FAM13A: variants seen among roughly 807,000 people sequenced by gnomAD.
FAM13A encodes the protein family with sequence similarity 13 member A, also known as protein FAM13A.
A neutral mutation model predicts 129.6 loss-of-function variants in FAM13A; 76 were observed. That is an observed-to-expected ratio of 0.59 (90% CI 0.49 to 0.71). FAM13A has a LOEUF of 0.71. Ranked by LOEUF, FAM13A falls within the 30% of genes least tolerant of loss-of-function variation. The pLI is 0.00. For missense variants in FAM13A, 1,108 were observed against 1,249.3 expected (o/e 0.89, Z 1.70); for synonymous variants, 443 against 449.9 (o/e 0.98, Z 0.20).
intron 4 of FAM13A, among the ~76,000 whole-genome samples, chr4:88,980,470 A>G (rs1282190720): frequency 6.6e-6 from 1 of 152,246 alleles, no homozygotes; most frequent in African/African-American, 2.4e-5. Context: ...ACAGAACTAC[A>G]GGCAATGAAG....
intron 4 of FAM13A, among the ~76,000 whole-genome samples, chr4:88,971,107 G>A (rs1760022838): frequency 2.0e-5 from 3 of 152,072 alleles, no homozygotes; most frequent in Admixed American, 2.0e-4. Context: ...AGCTGAGGCA[G>A]GAGAATGGCA....
In FAM13A at chr4:88,728,501, A is replaced by G. The variant is rs1481702269; in HGVS notation, c.*32T>C. On this transcript the variant is annotated 3_prime_UTR_variant, in exon 24 of 24. Transcript: ENST00000264344. ...TCTGGGGACAGTAAACTCTCACCGC[A>G]GCTGCCAGCCCCCTGTGCTTGGCCA... 6.2e-7 allele frequency: 1 copy of G among 1,613,290 alleles called. No individual in the cohort carries two copies. Among genetic ancestry groups the G allele is most frequent in the Non-Finnish European group, 8.5e-7 (1 of 1,179,856 alleles).
At position 88,804,992 on chromosome 4, in the gene FAM13A, A is replaced by T. The variant is rs777017850; in HGVS notation, c.1049+19T>A. 1.3e-6 allele frequency: 2 copies of T among 1,490,560 alleles called. No individual in the cohort carries two copies. The highest frequency in any genetic ancestry group is 2.3e-5 in the South Asian group (2 of 87,260). The allele number at this position is 1,490,560 out of a possible 1,614,324, so 92.3% of individuals were successfully genotyped here. ...CTCCTTTATTCCCTGTAGTAGACCA[A>T]CAAAAATCAAATAAATACCTCAAAT... On this transcript the variant is annotated intron_variant, in intron 8 of 23. Transcript: ENST00000264344.
intron 7 of FAM13A, among the ~76,000 whole-genome samples, chr4:88,807,375 T>A (rs1189241892): frequency 6.6e-6 from 1 of 152,158 alleles, no homozygotes; most frequent in Non-Finnish European, 1.5e-5. Flanking sequence ...CTACCACAGG[T>A]CCTACATTAA....
intron 4 of FAM13A, among the ~76,000 whole-genome samples, chr4:88,961,346 C>CTTTTTTTTTTTTT (rs1560548919): frequency 2.2e-5 from 2 of 89,326 alleles, no homozygotes. Flanking sequence ...GTGGAATTTG[C>CTTTTTTTTTTTTT]CTTTTTTTTT....
intron 7 of FAM13A, among the ~76,000 whole-genome samples, chr4:88,806,320 C>T (rs772795611): frequency 1.3e-5 from 2 of 152,114 alleles, no homozygotes; most frequent in South Asian, 4.1e-4. Context: ...ACCACCTTAC[C>T]GCATCTGGGA....
intron 7 of FAM13A, among the ~76,000 whole-genome samples, chr4:88,806,349 A>G (rs1728555744): frequency 6.6e-6 from 1 of 152,178 alleles, no homozygotes. Flanking sequence ...AATTACCTGC[A>G]GCATTCTCTT....
At chr4:88,965,581 AC>A (rs1248868589) in intron 4 of FAM13A, among the ~76,000 whole-genome samples, 2 of 150,148 alleles carry the variant, frequency 1.3e-5, no homozygotes, top group East Asian at 1.9e-4. Context: ...TTAAAAAAAA[AC>A]AAGATGAAAT....
intron 3 of FAM13A, among the ~76,000 whole-genome samples, chr4:89,019,434 A>G (rs1370840708): frequency 1.3e-5 from 2 of 152,192 alleles, no homozygotes; most frequent in African/African-American, 4.8e-5. Context: ...GGAGAACTCA[A>G]TAATGACTAT....
At chr4:88,817,110 AG>A (rs1730892073) in intron 7 of FAM13A, among the ~76,000 whole-genome samples, 1 of 152,194 alleles carries the variant, frequency 6.6e-6, no homozygotes, top group African/African-American at 2.4e-5. Context: ...CATTATACCA[AG>A]GGGAAGAAAC....
At chr4:88,860,944 C>CAT (rs1270543546) in intron 6 of FAM13A, among the ~76,000 whole-genome samples, 1 of 152,142 alleles carries the variant, frequency 6.6e-6, no homozygotes, top group Non-Finnish European at 1.5e-5. Context: ...TTTCTGTTGT[C>CAT]ATATATATAG....
At chr4:88,843,408 T>C (rs1736156221) in intron 7 of FAM13A, among the ~76,000 whole-genome samples, 1 of 152,248 alleles carries the variant, frequency 6.6e-6, no homozygotes, top group Non-Finnish European at 1.5e-5. Flanking sequence ...CCTTGCTTCA[T>C]TTCAGCTTCA....
At chr4:88,938,801 T>A (rs1057512458) in intron 4 of FAM13A, among the ~76,000 whole-genome samples, 3 of 152,200 alleles carry the variant, frequency 2.0e-5, no homozygotes, top group African/African-American at 7.2e-5. Context: ...TATATCTGAA[T>A]ACAGAATATC....
At chr4:88,891,998 G>A (rs1200359192) in intron 6 of FAM13A, among the ~76,000 whole-genome samples, 1 of 152,006 alleles carries the variant, frequency 6.6e-6, no homozygotes, top group Non-Finnish European at 1.5e-5. Flanking sequence ...ACAATGATGT[G>A]AGACCCTGTC....
chr4:88,804,744 G>T (rs1393259441), intron 8 of FAM13A, among the ~76,000 whole-genome samples: 1 of 151,866 alleles, frequency 6.6e-6, no homozygotes, highest in Non-Finnish European at 1.5e-5. Flanking sequence ...TAATCATCAG[G>T]CAGTTTTTAA....
intron 7 of FAM13A, among the ~76,000 whole-genome samples, chr4:88,840,987 A>G (rs1208408501): frequency 6.6e-6 from 1 of 151,858 alleles, no homozygotes; most frequent in South Asian, 2.1e-4. Context: ...AAACTAACTC[A>G]AAATGGATCA....
chr4:88,874,595 A>G (rs1742042036), intron 6 of FAM13A, among the ~76,000 whole-genome samples: 1 of 152,224 alleles, frequency 6.6e-6, no homozygotes, highest in African/African-American at 2.4e-5. Flanking sequence ...GACGTGAAGG[A>G]CCTTTTCAAG....
chr4:89,033,071 T>A (rs929380460), intron 1 of FAM13A, among the ~76,000 whole-genome samples: 1 of 152,200 alleles, frequency 6.6e-6, no homozygotes, highest in African/African-American at 2.4e-5. Context: ...AACTTTCCAG[T>A]AAAGTTTCTT....
At chr4:88,938,984 T>A (rs1754301932) in intron 4 of FAM13A, among the ~76,000 whole-genome samples, 1 of 152,170 alleles carries the variant, frequency 6.6e-6, no homozygotes, top group Non-Finnish European at 1.5e-5. Context: ...TTAATAACCT[T>A]ATGAAAAGAT....
Sources: allele counts gnomAD v4.1 joint callset (sites outside exome capture counted in the v4.1 genomes callset), GRCh38; gene constraint gnomAD v4.1.1; transcripts MANE v1.5; gene names NCBI Gene and HGNC (gene_info 2026-07-23, HGNC 2026-07-21).